CENPS: variants seen among roughly 807,000 people sequenced by gnomAD.
CENPS encodes centromere protein S.
Under a neutral mutation model 17.9 loss-of-function variants are expected in CENPS, and 16 were observed. That is an observed-to-expected ratio of 0.90 (90% CI 0.61 to 1.36). The LOEUF is 1.36. CENPS is among the 40% of genes most tolerant of loss of function. CENPS has a pLI of 0.00. For synonymous variants in CENPS, 49 were observed against 55.8 expected (o/e 0.88, Z 0.54); for missense variants, 160 against 158.6 (o/e 1.01, Z -0.05).
At chr1:10,435,607 G>A (rs1640111572) in intron 3 of CENPS, among the ~76,000 whole-genome samples, 1 of 151,324 alleles carries the variant, frequency 6.6e-6, no homozygotes, top group African/African-American at 2.4e-5. Flanking sequence ...TGCCCCTTAT[G>A]TGTGGCCCTC....
chr1:10,439,120 A>G (rs1425933292), intron 3 of CENPS, among the ~76,000 whole-genome samples: 3 of 152,226 alleles, frequency 2.0e-5, no homozygotes, highest in African/African-American at 4.8e-5. Context: ...ATATTTGTCT[A>G]TTTAGCAGAA....
At chr1:10,441,532 T>C (rs1395432274) in intron 4 of CENPS, among the ~76,000 whole-genome samples, 1 of 151,012 alleles carries the variant, frequency 6.6e-6, no homozygotes, top group East Asian at 2.0e-4. Context: ...TGGGCTGGTC[T>C]CAAACTCCTG....
chr1:10,439,664 C>A (rs1250249526), intron 3 of CENPS, among the ~76,000 whole-genome samples: 1 of 152,078 alleles, frequency 6.6e-6, no homozygotes. Flanking sequence ...TTGCTTTAAC[C>A]CGGGAGGCGG....
intron 1 of CENPS, 165 bp downstream of exon 1, chr1:10,430,733 G>T: frequency 7.1e-7 from 1 of 1,406,390 alleles, no homozygotes; most frequent in Non-Finnish European, 9.2e-7. Context: ...GTGCTGGGAG[G>T]CGGTTTCCGC....
At chr1:10,441,927 T>C (rs1185555498) in intron 4 of CENPS, among the ~76,000 whole-genome samples, 2 of 152,094 alleles carry the variant, frequency 1.3e-5, no homozygotes, top group African/African-American at 4.8e-5. Context: ...ACCCGACCTC[T>C]GGCCACAACT....
Position 10,441,620 on chromosome 1 carries a change from C to CTTTT in CENPS, c.277-625_277-622dup, listed in dbSNP as rs34369229. Among the ~76,000 whole-genome samples the CTTTT allele has an allele frequency of 6.0e-3, 291 of 48,360 alleles. 12 individuals are homozygous for CTTTT. Among genetic ancestry groups the CTTTT allele is most frequent in the Middle Eastern group, 0.026 (1 of 38 alleles). 31.7% of individuals were successfully genotyped at this position (48,360 alleles called of 152,430 possible). A position where few individuals can be genotyped will look rare whatever the true frequency, so the allele number is the denominator to read the frequency against. Reference sequence around the variant, plus strand: ...TGAGCCACCGCACCTGGCTACAACTCTTTTTTTTTTTTTTTTTTTTTTTGA... The same window carrying CTTTT: ...TGAGCCACCGCACCTGGCTACAACTCTTTTTTTTTTTTTTTTTTTTTTTTTTTGA... On this transcript the variant is annotated intron_variant, in intron 4 of 4. Coordinates refer to ENST00000309048, the MANE Select transcript of CENPS (RefSeq NM_199294.3).
At chr1:10,434,274 A>G (rs1298097799) in intron 2 of CENPS, among the ~76,000 whole-genome samples, 1 of 152,166 alleles carries the variant, frequency 6.6e-6, no homozygotes, top group Non-Finnish European at 1.5e-5. Flanking sequence ...ACGTTTTTAT[A>G]TCACCCATAG....
intron 1 of CENPS, chr1:10,431,133 A>G (rs1639893301): frequency 7.0e-7 from 1 of 1,429,094 alleles, no homozygotes. Context: ...CGTCATAAGA[A>G]TAATCACTTG....
At chr1:10,436,252 A>G (rs1317616550) in intron 3 of CENPS, among the ~76,000 whole-genome samples, 1 of 151,006 alleles carries the variant, frequency 6.6e-6, no homozygotes, top group South Asian at 2.1e-4. Context: ...TGCTAGGATT[A>G]CAGGCGTTGA....
intron 1 of CENPS, chr1:10,431,163 C>G (rs1639895156): frequency 1.4e-6 from 2 of 1,451,122 alleles, no homozygotes; most frequent in Admixed American, 5.2e-5. Flanking sequence ...CTGCGGGCAT[C>G]CCATTCGTTC....
At chr1:10,434,622 G>A (rs746252369) in intron 2 of CENPS, 35 bp from the exon 3 acceptor site, 5 of 1,602,474 alleles carry the variant, frequency 3.1e-6, no homozygotes, top group South Asian at 1.1e-5. Flanking sequence ...AGATGGGAGG[G>A]TGCCTAAAGT....
intron 3 of CENPS, chr1:10,440,066 G>A (rs954201887): frequency 1.9e-5 from 8 of 432,050 alleles, no homozygotes; most frequent in Admixed American, 4.3e-5. Flanking sequence ...TTGGAAGGGC[G>A]CTAAGCCCCC....
rs5772410 is a variant in CENPS at position 10,431,855 on chromosome 1, GAAAAA to G, written c.51+1299_51+1303del. Among the ~76,000 whole-genome samples, 3 of 118,792 alleles carry G rather than the reference GAAAAA, an allele frequency of 2.5e-5. No individual in the cohort carries two copies. In the Admixed American group the frequency reaches 2.6e-4, roughly 10 times the overall value. 77.9% of individuals were successfully genotyped at this position (118,792 alleles called of 152,430 possible). On this transcript the variant is annotated intron_variant, in intron 1 of 4. Coordinates refer to ENST00000309048, the MANE Select transcript of CENPS (RefSeq NM_199294.3). Reference sequence around the variant, plus strand: ...GGTGACAGAGCGAGACTCCATCTCAGAAAAAAAAAAAAAAAAGGCATTCTCCTACT... The same window carrying G: ...GGTGACAGAGCGAGACTCCATCTCAGAAAAAAAAAAAGGCATTCTCCTACT...
At chr1:10,440,279 T>A (rs117174657) in intron 3 of CENPS, 68 bp from the exon 4 acceptor site, 25,743 of 1,584,568 alleles carry the variant, frequency 0.016, 674 homozygotes, top group Admixed American at 0.11. Flanking sequence ...GACCGTGAAC[T>A]TCTGTGTTTC....
Position 10,430,575 on chromosome 1 carries a change from GA to G in CENPS, c.51+11del, listed in dbSNP as rs372438339. On this transcript the variant is annotated splice_region_variant and intron_variant, in intron 1 of 4. Transcript: ENST00000309048. ...GCGATTCTCTTACCAACAGGTACAG[GA>G]AAACGGGGGTCGGGCTGGGCTGGGG... is the stretch of plus-strand genomic sequence containing the variant. 549 of 1,531,342 alleles carry G rather than the reference GA, an allele frequency of 3.6e-4. 1 individual carries two copies. The African/African-American group carries it at 7.0e-3, about 20-fold the overall frequency. The allele number at this position is 1,531,342 out of a possible 1,614,324, so 94.9% of individuals were successfully genotyped here. A position where few individuals can be genotyped will look rare whatever the true frequency, so the allele number is the denominator to read the frequency against.
At chr1:10,439,005 C>T (rs1271814530) in intron 3 of CENPS, among the ~76,000 whole-genome samples, 3 of 152,074 alleles carry the variant, frequency 2.0e-5, no homozygotes, top group Non-Finnish European at 4.4e-5. Flanking sequence ...TTTTTTCTCC[C>T]CTGTGTCCTG....
intron 1 of CENPS, among the ~76,000 whole-genome samples, chr1:10,432,121 C>T (rs1557773662): frequency 6.6e-6 from 1 of 151,718 alleles, no homozygotes; most frequent in African/African-American, 2.4e-5. Context: ...TAGTTTCACT[C>T]TTGTTGTCCA....
chr1:10,435,678 T>C (rs956409858), intron 3 of CENPS, among the ~76,000 whole-genome samples: 8 of 136,052 alleles, frequency 5.9e-5, no homozygotes, highest in Non-Finnish European at 9.6e-5. Context: ...GAAAAAAAAA[T>C]GAAAAATTTA....
intron 3 of CENPS, among the ~76,000 whole-genome samples, chr1:10,438,132 TTTTTG>T (rs926942788): frequency 5.3e-5 from 8 of 152,076 alleles, no homozygotes; most frequent in Non-Finnish European, 1.0e-4. Context: ...CCAATCTGAA[TTTTTG>T]TTTTGTTTTG....
Sources: gnomAD v4.1 joint callset for allele counts (sites outside exome capture counted in the v4.1 genomes callset) on GRCh38, gnomAD v4.1.1 for gene constraint, MANE v1.5 for transcripts, NCBI Gene and HGNC (gene_info 2026-07-23, HGNC 2026-07-21) for gene names.